TMEM168: variants seen among roughly 807,000 people sequenced by gnomAD.
TMEM168 encodes transmembrane protein 168.
In TMEM168, 40 loss-of-function variants were observed where a neutral mutation model predicts 53.2. The observed-to-expected ratio is 0.75, with a 90% CI of 0.58 to 0.98. TMEM168 has a LOEUF of 0.98. Ranked by LOEUF, TMEM168 falls within the 50% of genes least tolerant of loss-of-function variation. The pLI is 0.00. For missense variants in TMEM168, 771 were observed against 828.8 expected, an observed-to-expected ratio of 0.93 and a Z score of 0.86; for synonymous variants, 282 against 293.0, an observed-to-expected ratio of 0.96 and a Z score of 0.38.
intron 4 of TMEM168, 102 bp downstream of exon 4, chr7:112,772,679 T>C: frequency 7.2e-7 from 1 of 1,391,504 alleles, no homozygotes; most frequent in Non-Finnish European, 9.8e-7. Context: ...CATAGTTCAG[T>C]AAACTAAGAA....
Position 112,784,474 on chromosome 7 carries a change from C to G in TMEM168, c.352G>C (p.Val118Leu). The G allele has an allele frequency of 6.2e-7, 1 of 1,614,040 alleles. No individual in the cohort carries two copies. The highest frequency in any genetic ancestry group is 1.1e-5 in the South Asian group (1 of 91,054). ...FLDNSSFKND[V>L]KEESTKYLLL... ...AAATATTTGGTTGATTCTTCTTTTA[C>G]ATCATTTTTAAAGGATGAATTATCA... Residue 118 changes from valine to leucine, a missense_variant, in exon 2 of 5, where the codon GTA (valine) becomes CTA (leucine). Coordinates refer to ENST00000312814, the MANE Select transcript of TMEM168 (RefSeq NM_022484.6).
At chr7:112,775,367 T>A in intron 2 of TMEM168, 49 bp from the exon 3 acceptor site, 1 of 1,470,832 alleles carries the variant, frequency 6.8e-7, no homozygotes, top group Non-Finnish European at 9.3e-7. Context: ...CATATGTGTA[T>A]ATATTTACAT....
In TMEM168 at chr7:112,766,787, C is replaced by T. The variant is rs1288821707; in HGVS notation, c.*410G>A. 2 of 156,420 alleles carry T rather than the reference C, an allele frequency of 1.3e-5. No individual in the cohort carries two copies. Among genetic ancestry groups the T allele is most frequent in the Admixed American group, 6.4e-5 (1 of 15,582 alleles). 9.7% of individuals were successfully genotyped at this position (156,420 alleles called of 1,614,324 possible). ...GAAAAAAGAATCTTCTGTAAGTAAA[C>T]TGGTAGTTTTCTTAAAACAGTAAAC... On this transcript the variant is annotated 3_prime_UTR_variant, in exon 5 of 5. Coordinates refer to ENST00000312814, the MANE Select transcript of TMEM168 (RefSeq NM_022484.6).
Position 112,774,263 on chromosome 7 carries a change from GAATAAAACTGC to G in TMEM168, c.1271+902_1271+912del, listed in dbSNP as rs149849872. On this transcript the variant is annotated intron_variant, in intron 3 of 4. Transcript: ENST00000312814. ...ACCTTTGTGGGTAAAAGTTATTTTG[GAATAAAACTGC>G]AATAAACATTTATTAAACTTCACTG... Among the ~76,000 whole-genome samples, 528 of 151,930 alleles carry G rather than the reference GAATAAAACTGC, an allele frequency of 3.5e-3. 3 individuals carry two copies. The highest frequency in any genetic ancestry group is 0.012 in the African/African-American group (516 of 41,452).
rs1407769599 is a variant in TMEM168 at position 112,764,490 on chromosome 7, TA to T, written c.*2706del. 2.0e-5 allele frequency: 3 copies of T among 150,002 alleles called. No individual in the cohort carries two copies. The highest frequency in any genetic ancestry group is 5.0e-5 in the African/African-American group (2 of 39,614). The allele number at this position is 150,002 out of a possible 1,614,324, so 9.3% of individuals were successfully genotyped here. A position where few individuals can be genotyped will look rare whatever the true frequency, so the allele number is the denominator to read the frequency against. ...TAATATTTCTTTTCTACACCCTTAT[TA>T]TTTTTTTTGTTTGTTTCTTTTTTTT... On this transcript the variant is annotated 3_prime_UTR_variant, in exon 5 of 5. Coordinates refer to ENST00000312814, the MANE Select transcript of TMEM168 (RefSeq NM_022484.6).
intron 4 of TMEM168, among the ~76,000 whole-genome samples, chr7:112,770,839 C>T (rs1183714021): frequency 6.6e-6 from 1 of 152,084 alleles, no homozygotes; most frequent in Non-Finnish European, 1.5e-5. Flanking sequence ...ATTACTCTAA[C>T]ACTTTAAAAT....
intron 1 of TMEM168, among the ~76,000 whole-genome samples, chr7:112,785,936 G>A (rs756380178): frequency 6.6e-5 from 10 of 152,236 alleles, no homozygotes; most frequent in East Asian, 1.9e-4. Context: ...GGCCAGGCAC[G>A]GTGGCTCTCT....
intron 1 of TMEM168, among the ~76,000 whole-genome samples, chr7:112,787,320 G>A (rs1436216161): frequency 6.6e-6 from 1 of 151,360 alleles, no homozygotes; most frequent in Non-Finnish European, 1.5e-5. Flanking sequence ...GTGTTGAAAT[G>A]ACCTGTAAAT....
At chr7:112,769,347 CA>C (rs1392971370) in intron 4 of TMEM168, among the ~76,000 whole-genome samples, 1 of 152,062 alleles carries the variant, frequency 6.6e-6, no homozygotes, top group Non-Finnish European at 1.5e-5. Context: ...GATACTTTTT[CA>C]AAAATGGCCA....
intron 2 of TMEM168, among the ~76,000 whole-genome samples, chr7:112,782,554 T>G (rs1793260019): frequency 6.6e-6 from 1 of 152,092 alleles, no homozygotes; most frequent in African/African-American, 2.4e-5. Flanking sequence ...CACCAGCAAG[T>G]AGAGCAAAGT....
At position 112,783,867 on chromosome 7, in the gene TMEM168, T is replaced by C. The variant is rs772130979; in HGVS notation, c.959A>G (p.His320Arg). The C allele has an allele frequency of 6.2e-7, 1 of 1,603,896 alleles. No homozygotes were observed. Among genetic ancestry groups the C allele is most frequent in the Non-Finnish European group, 8.5e-7 (1 of 1,177,042 alleles). ...TTTATGGCAGTCATTTAATTTGGTA[T>C]GGAATCCCCAAAGAGTTAAAAGAAA... The part of the protein sequence containing the change: ...IIFLLTLWGF[H>R]TKLNDCHKVY... Residue 320 changes from histidine (H) to arginine (R), a missense_variant, in exon 2 of 5, where the codon CAT (histidine) becomes CGT (arginine). His to Arg is a conservative substitution (Grantham distance 29). Coordinates refer to ENST00000312814, the MANE Select transcript of TMEM168 (RefSeq NM_022484.6).
At chr7:112,788,174 G>A (rs1478239042) in intron 1 of TMEM168, among the ~76,000 whole-genome samples, 3 of 151,992 alleles carry the variant, frequency 2.0e-5, no homozygotes, top group Non-Finnish European at 4.4e-5. Context: ...CTCCTTGAAG[G>A]TTCTTCATTC....
chr7:112,773,585 A>AGTT (rs1271713283), intron 3 of TMEM168, among the ~76,000 whole-genome samples: 2 of 152,090 alleles, frequency 1.3e-5, no homozygotes, highest in Non-Finnish European at 2.9e-5. Context: ...GCATTTAAAA[A>AGTT]GTTATTAAAA....
chr7:112,779,091 A>G (rs1043735509), intron 2 of TMEM168, among the ~76,000 whole-genome samples: 9 of 152,100 alleles, frequency 5.9e-5, no homozygotes, highest in African/African-American at 1.9e-4. Context: ...AGGTCTCCCT[A>G]TGTTGCCCAG....
intron 1 of TMEM168, chr7:112,788,338 A>G (rs1793448680): frequency 6.6e-6 from 1 of 152,226 alleles, no homozygotes; most frequent in Non-Finnish European, 1.5e-5. Context: ...ATGAAGCACC[A>G]GCTCTGTTCT....
At chr7:112,774,726 A>T (rs1584440755) in intron 3 of TMEM168, among the ~76,000 whole-genome samples, 1 of 151,808 alleles carries the variant, frequency 6.6e-6, no homozygotes. Context: ...GATTGCAGGT[A>T]CCTGCCACCA....
intron 2 of TMEM168, chr7:112,778,138 G>GA: frequency 6.6e-6 from 1 of 152,344 alleles, no homozygotes; most frequent in Non-Finnish European, 1.5e-5. Flanking sequence ...CACAAGGGCA[G>GA]AAAGCAAGTT....
chr7:112,770,114 T>C (rs1792890340), intron 4 of TMEM168, among the ~76,000 whole-genome samples: 2 of 152,206 alleles, frequency 1.3e-5, no homozygotes, highest in Admixed American at 1.3e-4. Flanking sequence ...TAATTTGGAA[T>C]AGATGAAAGT....
intron 2 of TMEM168, among the ~76,000 whole-genome samples, chr7:112,781,389 T>C (rs1462570619): frequency 6.6e-6 from 1 of 152,158 alleles, no homozygotes. Flanking sequence ...TCACACAGTG[T>C]TCTCCAACTA....
Sources: allele counts gnomAD v4.1 joint callset (sites outside exome capture counted in the v4.1 genomes callset), GRCh38; gene constraint gnomAD v4.1.1; transcripts MANE v1.5; gene names NCBI Gene and HGNC (gene_info 2026-07-23, HGNC 2026-07-21).